The following IL15 variants were observed in gnomAD, a reference collection of about 807,000 sequenced individuals.
IL15 encodes interleukin 15.
In IL15, 11 loss-of-function variants were observed where a neutral mutation model predicts 19.6. That is an observed-to-expected ratio of 0.56 (90% CI 0.35 to 0.93). IL15 has a LOEUF of 0.93. Ranked by LOEUF, IL15 falls within the 40% of genes least tolerant of loss-of-function variation. The pLI is 0.01. For missense variants in IL15, 197 were observed against 186.5 expected (o/e 1.06, Z -0.33); for synonymous variants, 58 against 59.6 (o/e 0.97, Z 0.12).
At chr4:141,684,921 T>C (rs947138893) in intron 2 of IL15, among the ~76,000 whole-genome samples, 1 of 152,126 alleles carries the variant, frequency 6.6e-6, no homozygotes, top group Non-Finnish European at 1.5e-5. Flanking sequence ...GTATCTCCTC[T>C]ATAAAACTGA....
chr4:141,706,706 A>G (rs914943443), intron 2 of IL15, among the ~76,000 whole-genome samples: 1 of 144,880 alleles, frequency 6.9e-6, no homozygotes, highest in Non-Finnish European at 1.5e-5. Flanking sequence ...TTCTTGGCTG[A>G]TTTTTTTTTT....
chr4:141,649,137 C>T (rs909959259), intron 1 of IL15, among the ~76,000 whole-genome samples: 5 of 152,028 alleles, frequency 3.3e-5, no homozygotes, highest in African/African-American at 1.2e-4. Flanking sequence ...ACTACTTCAT[C>T]CAGTATCTCT....
intron 2 of IL15, among the ~76,000 whole-genome samples, chr4:141,706,311 A>G (rs1288681727): frequency 6.6e-6 from 1 of 152,016 alleles, no homozygotes. Context: ...AATTTTGTTC[A>G]CATAAAAATA....
intron 2 of IL15, among the ~76,000 whole-genome samples, chr4:141,694,024 T>C (rs906192737): frequency 1.3e-5 from 2 of 152,204 alleles, no homozygotes; most frequent in African/African-American, 4.8e-5. Flanking sequence ...GTTCAATTAA[T>C]GGAACAATGG....
chr4:141,724,381 C>A (rs1425117433), intron 5 of IL15, among the ~76,000 whole-genome samples: 1 of 151,614 alleles, frequency 6.6e-6, no homozygotes, highest in African/African-American at 2.4e-5. Context: ...ATTATCAAAT[C>A]AAAAATCTAA....
intron 2 of IL15, among the ~76,000 whole-genome samples, chr4:141,666,367 A>G (rs1039162512): frequency 7.2e-5 from 11 of 151,942 alleles, no homozygotes; most frequent in Non-Finnish European, 1.6e-4. Flanking sequence ...AAAATTTTCA[A>G]TTTTATAAGA....
intron 2 of IL15, among the ~76,000 whole-genome samples, chr4:141,688,079 C>G (rs970401932): frequency 6.6e-6 from 1 of 152,052 alleles, no homozygotes; most frequent in East Asian, 1.9e-4. Flanking sequence ...TTACACCCAG[C>G]GTTTCTTTAA....
chr4:141,718,462 C>CAAT (rs1729965234), intron 2 of IL15: 1 of 152,040 alleles, frequency 6.6e-6, no homozygotes, highest in African/African-American at 2.4e-5. Flanking sequence ...TTTAAATAAA[C>CAAT]CAATCAATGA....
intron 1 of IL15, among the ~76,000 whole-genome samples, chr4:141,653,143 T>C (rs983930531): frequency 4.6e-5 from 7 of 152,134 alleles, no homozygotes; most frequent in Non-Finnish European, 1.0e-4. Flanking sequence ...GAAAATTGTT[T>C]AGTAACAATT....
intron 2 of IL15, among the ~76,000 whole-genome samples, chr4:141,692,947 C>CTACAAAG (rs1728963632): frequency 7.1e-6 from 1 of 140,240 alleles, no homozygotes; most frequent in Non-Finnish European, 1.5e-5. Context: ...TTTCACACTT[C>CTACAAAG]TACAAAGGTA....
chr4:141,674,787 G>A (rs1448554917), intron 2 of IL15, among the ~76,000 whole-genome samples: 1 of 152,098 alleles, frequency 6.6e-6, no homozygotes, highest in Non-Finnish European at 1.5e-5. Flanking sequence ...CTGTTTTTCA[G>A]CAGCTCTGGA....
intron 7 of IL15, among the ~76,000 whole-genome samples, chr4:141,730,761 A>T: frequency 6.6e-6 from 1 of 152,144 alleles, no homozygotes; most frequent in South Asian, 2.1e-4. Flanking sequence ...ATGGCAAAAC[A>T]CCAGTGGCCA....
At chr4:141,714,086 C>T (rs900692437) in intron 2 of IL15, among the ~76,000 whole-genome samples, 2 of 152,048 alleles carry the variant, frequency 1.3e-5, no homozygotes, top group African/African-American at 4.8e-5. Flanking sequence ...CCCTCTCCTC[C>T]TCCTCCTGTC....
chr4:141,644,712 A>G (rs1215251569), intron 1 of IL15, among the ~76,000 whole-genome samples: 1 of 152,180 alleles, frequency 6.6e-6, no homozygotes, highest in Non-Finnish European at 1.5e-5. Flanking sequence ...AGCTAAAAAG[A>G]TAGGTTATCT....
At chr4:141,703,560 A>G (rs529031786) in intron 2 of IL15, among the ~76,000 whole-genome samples, 42 of 152,184 alleles carry the variant, frequency 2.8e-4, no homozygotes, top group African/African-American at 9.4e-4. Flanking sequence ...CAGATTCCTT[A>G]GTGGGGATAT....
intron 2 of IL15, among the ~76,000 whole-genome samples, chr4:141,667,637 TAA>T (rs1332490603): frequency 2.6e-5 from 4 of 152,046 alleles, no homozygotes; most frequent in African/African-American, 9.7e-5. Context: ...GATTAAGAAA[TAA>T]GTTTGTCTTC....
intron 2 of IL15, chr4:141,718,640 T>A (rs996122708): frequency 6.6e-6 from 1 of 152,186 alleles, no homozygotes; most frequent in African/African-American, 2.4e-5. Flanking sequence ...ATTTTTTATA[T>A]TTCAGAAACA....
intron 2 of IL15, among the ~76,000 whole-genome samples, chr4:141,656,692 T>C (rs1727615506): frequency 6.6e-6 from 1 of 152,186 alleles, no homozygotes; most frequent in African/African-American, 2.4e-5. Flanking sequence ...CTCTGGGTCA[T>C]AGTTTGATAG....
chr4:141,671,158 G>A (rs561018686), intron 2 of IL15, among the ~76,000 whole-genome samples: 10 of 152,170 alleles, frequency 6.6e-5, no homozygotes, highest in East Asian at 1.9e-4. Context: ...TAACCCCTAC[G>A]TAAAGAAGCT....
Sources: gnomAD v4.1 joint callset for allele counts (sites outside exome capture counted in the v4.1 genomes callset) on GRCh38, gnomAD v4.1.1 for gene constraint, MANE v1.5 for transcripts, NCBI Gene and HGNC (gene_info 2026-07-23, HGNC 2026-07-21) for gene names.